The following BBOX1 variants were observed in gnomAD, a reference collection of about 807,000 sequenced individuals.
BBOX1 encodes gamma-butyrobetaine hydroxylase 1, also known as gamma-butyrobetaine dioxygenase.
BBOX1 carries 35 observed loss-of-function variants against 41.6 expected under a neutral mutation model. The observed-to-expected ratio is 0.84, with a 90% confidence interval of 0.64 to 1.11. The LOEUF is 1.11. Ranked by LOEUF, BBOX1 falls within the 50% of genes most tolerant of loss-of-function variation. The pLI, the probability that BBOX1 is intolerant of heterozygous loss-of-function variation, is 0.00. For missense variants in BBOX1, 458 were observed against 460.6 expected, an observed-to-expected ratio of 0.99 and a Z score of 0.05; for synonymous variants, 163 against 154.7, an observed-to-expected ratio of 1.05 and a Z score of -0.40.
chr11:27,093,843 G>A (rs1390008995), intron 5 of BBOX1, among the ~76,000 whole-genome samples: 1 of 151,740 alleles, frequency 6.6e-6, no homozygotes, highest in Non-Finnish European at 1.5e-5. Context: ...CTTCTGATAT[G>A]GACACCAGTC....
intron 2 of BBOX1, among the ~76,000 whole-genome samples, chr11:27,047,924 T>C (rs1851538007): frequency 6.6e-6 from 1 of 152,182 alleles, no homozygotes; most frequent in Admixed American, 6.5e-5. Flanking sequence ...TTACCGTCCA[T>C]ACAATTAAAA....
intron 4 of BBOX1, among the ~76,000 whole-genome samples, chr11:27,085,073 T>A (rs1478220616): frequency 2.0e-5 from 3 of 152,176 alleles, no homozygotes; most frequent in African/African-American, 7.2e-5. Context: ...CCCTGGATAG[T>A]CATGTTTTAC....
Position 27,063,722 on chromosome 11 carries a change from C to T in BBOX1, c.334+6407C>T, listed in dbSNP as rs12294451. 9.1e-3 allele frequency among the ~76,000 whole-genome samples: 1,384 copies of T among 151,842 alleles called. 18 individuals are homozygous for T. The highest frequency in any genetic ancestry group is 0.032 in the African/African-American group (1,331 of 41,454). On this transcript the variant is annotated intron_variant, in intron 4 of 8. Transcript: ENST00000263182. ...CCTCTCTCATGGCAGTCTTTACCAT[C>T]TACTAAATCAGATTATAGCCCTTCA...
At chr11:27,109,706 A>G (rs1772005487) in intron 5 of BBOX1, among the ~76,000 whole-genome samples, 1 of 152,076 alleles carries the variant, frequency 6.6e-6, no homozygotes, top group Non-Finnish European at 1.5e-5. Flanking sequence ...GCTGAATTCT[A>G]TCCTTCTGGG....
chr11:27,127,372 T>C lies in BBOX1; in HGVS notation c.1083T>C (p.His361=). Residue 361 remains histidine, a synonymous_variant, in exon 9 of 9, where the codon CAT becomes CAC. Transcript: ENST00000263182. ...SYEAGTEISR[H]LEGAYADWDV... ...AAGCAGGAACTGAGATATCCCGCCATCTAGAAGGAGCTTATGCTGACTGGG... is the reference window on the plus strand; with the variant it reads ...AAGCAGGAACTGAGATATCCCGCCACCTAGAAGGAGCTTATGCTGACTGGG... 1 of 1,614,188 alleles carries C rather than the reference T, an allele frequency of 6.2e-7. No individual in the cohort carries two copies. The highest frequency in any genetic ancestry group is 2.2e-5 in the East Asian group (1 of 44,884).
intron 8 of BBOX1, among the ~76,000 whole-genome samples, chr11:27,126,594 G>C (rs1859661881): frequency 6.6e-6 from 1 of 151,976 alleles, no homozygotes; most frequent in Non-Finnish European, 1.5e-5. Flanking sequence ...AAAATACTAG[G>C]CACACAGAAG....
At chr11:27,125,485 G>GA (rs1018589723) in intron 7 of BBOX1, among the ~76,000 whole-genome samples, 169 bp from the exon 8 acceptor site, 1 of 151,524 alleles carries the variant, frequency 6.6e-6, no homozygotes, top group South Asian at 2.1e-4. Flanking sequence ...ATGAATGAAT[G>GA]AAAAAAAAGA....
intron 4 of BBOX1, among the ~76,000 whole-genome samples, chr11:27,084,325 A>G (rs1476024094): frequency 6.6e-6 from 1 of 152,146 alleles, no homozygotes; most frequent in African/African-American, 2.4e-5. Context: ...GTTTCTGGAT[A>G]GACTGCCTCA....
intron 7 of BBOX1, among the ~76,000 whole-genome samples, chr11:27,125,021 G>A (rs142359443): frequency 0.013 from 1,993 of 152,164 alleles, 26 homozygotes; most frequent in Non-Finnish European, 0.021. Flanking sequence ...TTATGTCCAG[G>A]CTCTATGTTG....
chr11:27,126,965 C>T (rs1287690270), intron 8 of BBOX1, among the ~76,000 whole-genome samples: 2 of 152,088 alleles, frequency 1.3e-5, no homozygotes, highest in African/African-American at 2.4e-5. Context: ...TGAGCCACCG[C>T]GCCCGGCAGA....
At chr11:27,107,671 C>T (rs1238952527) in intron 5 of BBOX1, among the ~76,000 whole-genome samples, 1 of 151,966 alleles carries the variant, frequency 6.6e-6, no homozygotes, top group Non-Finnish European at 1.5e-5. Context: ...CTCACCAAGG[C>T]CTCACCACTA....
intron 4 of BBOX1, among the ~76,000 whole-genome samples, chr11:27,069,713 T>C (rs1235320660): frequency 2.0e-5 from 3 of 152,100 alleles, no homozygotes; most frequent in Non-Finnish European, 4.4e-5. Flanking sequence ...TTTTAACTTT[T>C]AAGTTATGCC....
intron 5 of BBOX1, among the ~76,000 whole-genome samples, chr11:27,104,260 C>T (rs1285378230): frequency 1.3e-5 from 2 of 152,114 alleles, no homozygotes; most frequent in South Asian, 2.1e-4. Flanking sequence ...CAGTAAACAC[C>T]TGTTAGTGAT....
chr11:27,049,570 G>T (rs1386341410), intron 2 of BBOX1, among the ~76,000 whole-genome samples: 1 of 151,906 alleles, frequency 6.6e-6, no homozygotes, highest in Non-Finnish European at 1.5e-5. Context: ...TAATTGAGTA[G>T]CTTGTTTTAT....
chr11:27,070,064 T>C (rs1435754808), intron 4 of BBOX1, among the ~76,000 whole-genome samples: 1 of 152,186 alleles, frequency 6.6e-6, no homozygotes, highest in East Asian at 1.9e-4. Context: ...TCCATGGGTT[T>C]GTATTGTTTT....
intron 4 of BBOX1, among the ~76,000 whole-genome samples, chr11:27,064,783 A>C (rs1284457980): frequency 6.6e-6 from 1 of 152,094 alleles, no homozygotes; most frequent in East Asian, 1.9e-4. Flanking sequence ...GGCAGAGATG[A>C]AATCATAGGG....
Position 27,119,026 on chromosome 11 carries a change from TCC to T in BBOX1, c.640-621_640-620del, listed in dbSNP as rs544407960. 1.9e-3 allele frequency among the ~76,000 whole-genome samples: 286 copies of T among 152,068 alleles called. 2 individuals are homozygous for T. The highest frequency in any genetic ancestry group is 0.017 in the Admixed American group (263 of 15,248). On this transcript the variant is annotated intron_variant, in intron 6 of 8. Transcript: ENST00000263182. ...TCATATTCAAAAGCCTTCAGTGAAT[TCC>T]CTCTATGCACAAATACAAAAGCCCT...
chr11:27,090,735 A>G (rs1858215087), intron 4 of BBOX1, among the ~76,000 whole-genome samples: 1 of 151,870 alleles, frequency 6.6e-6, no homozygotes, highest in African/African-American at 2.4e-5. Context: ...GTACTTCAGG[A>G]GACCAGGGCA....
At chr11:27,052,726 T>C (rs565400342) in intron 2 of BBOX1, among the ~76,000 whole-genome samples, 3 of 152,212 alleles carry the variant, frequency 2.0e-5, no homozygotes, top group African/African-American at 7.2e-5. Flanking sequence ...GTAAAGAATT[T>C]AGCTTTTATC....
Sources: gnomAD v4.1 joint callset for allele counts (sites outside exome capture counted in the v4.1 genomes callset) on GRCh38, gnomAD v4.1.1 for gene constraint, MANE v1.5 for transcripts, NCBI Gene and HGNC (gene_info 2026-07-23, HGNC 2026-07-21) for gene names.